The following CHRM3 variants were observed in gnomAD, a reference collection of about 807,000 sequenced individuals.
The protein encoded by CHRM3 is cholinergic receptor muscarinic 3, also known as muscarinic acetylcholine receptor M3.
In CHRM3, 11 loss-of-function variants were observed where a neutral mutation model predicts 41.8. The ratio of observed to expected loss-of-function variants is 0.26; its 90% confidence interval spans 0.17 to 0.44. The LOEUF (loss-of-function observed/expected upper bound fraction) is 0.44. CHRM3 is among the 20% of genes least tolerant of loss of function. The pLI, the probability that CHRM3 is intolerant of heterozygous loss-of-function variation, is 1.00. For missense variants in CHRM3, 571 were observed against 745.4 expected, an observed-to-expected ratio of 0.77 and a Z score of 2.72; for synonymous variants, 297 against 301.4, an observed-to-expected ratio of 0.99 and a Z score of 0.15.
At chr1:239,576,830 G>A (rs79401932) in intron 3 of CHRM3, among the ~76,000 whole-genome samples, 5,949 of 151,212 alleles carry the variant, frequency 0.039, 407 homozygotes, top group African/African-American at 0.14. Flanking sequence ...CACAGCTACC[G>A]CAGACTATAG....
At position 239,400,152 on chromosome 1, in the gene CHRM3, G is replaced by A. The variant is rs113429785; in HGVS notation, c.-521+12925G>A. ...TCAAACTCCTGGCCTTAAGTGATCC[G>A]CCCACCTCGGCCTTCCAAAGTGTGG... On this transcript the variant is annotated intron_variant, in intron 1 of 6. Transcript: ENST00000676153. 6.8e-3 allele frequency among the ~76,000 whole-genome samples: 1,035 copies of A among 152,224 alleles called. 7 individuals are homozygous for A. Among genetic ancestry groups the A allele is most frequent in the African/African-American group, 0.024 (977 of 41,540 alleles).
intron 1 of CHRM3, among the ~76,000 whole-genome samples, chr1:239,458,562 G>T (rs1354140855): frequency 6.6e-6 from 1 of 152,164 alleles, no homozygotes; most frequent in Non-Finnish European, 1.5e-5. Flanking sequence ...ATGTAGGAAT[G>T]AAGATATATA....
rs1668292559 is a variant in CHRM3 at position 239,502,306 on chromosome 1, T to G, written c.-422+9499T>G. On this transcript the variant is annotated intron_variant, in intron 2 of 6. Transcript: ENST00000676153. ...ATCAATCAAGGCTACTATGAACACC[T>G]TTACGCACATAAACCAGAAAACCTA... 2.0e-5 allele frequency among the ~76,000 whole-genome samples: 3 copies of G among 152,046 alleles called. No individual in the cohort carries two copies. In the South Asian group the frequency reaches 6.2e-4, roughly 32 times the overall value.
At chr1:239,823,509 G>C (rs1375146678) in intron 5 of CHRM3, among the ~76,000 whole-genome samples, 2 of 152,044 alleles carry the variant, frequency 1.3e-5, no homozygotes, top group Non-Finnish European at 2.9e-5. Context: ...ATTCAGCATT[G>C]GGACCATAAT....
chr1:239,689,475 A>G (rs141870783), intron 5 of CHRM3, among the ~76,000 whole-genome samples: 2 of 152,300 alleles, frequency 1.3e-5, no homozygotes, highest in African/African-American at 4.8e-5. Flanking sequence ...TAAGAGTTAA[A>G]AGGATTACAA....
At chr1:239,428,868 T>C (rs1311910648) in intron 1 of CHRM3, among the ~76,000 whole-genome samples, 1 of 152,250 alleles carries the variant, frequency 6.6e-6, no homozygotes, top group Non-Finnish European at 1.5e-5. Context: ...GTCAGCTTTT[T>C]AGCATAAGCG....
intron 3 of CHRM3, among the ~76,000 whole-genome samples, chr1:239,595,232 T>A (rs1035456710): frequency 1.3e-5 from 2 of 152,234 alleles, no homozygotes; most frequent in Non-Finnish European, 1.5e-5. Flanking sequence ...ATCTGGAGAT[T>A]ATTTAAAGTA....
At chr1:239,751,995 A>C (rs1297972638) in intron 5 of CHRM3, among the ~76,000 whole-genome samples, 2 of 152,238 alleles carry the variant, frequency 1.3e-5, no homozygotes, top group Non-Finnish European at 2.9e-5. Flanking sequence ...TTGCCCCAAC[A>C]AAAGCTCCTT....
At chr1:239,763,523 A>G (rs996361979) in intron 5 of CHRM3, among the ~76,000 whole-genome samples, 13 of 152,188 alleles carry the variant, frequency 8.5e-5, no homozygotes, top group African/African-American at 3.1e-4. Context: ...AGCGCTCTAC[A>G]ATACTATGTA....
intron 5 of CHRM3, chr1:239,714,147 T>C (rs1662101730): frequency 6.6e-6 from 1 of 152,160 alleles, no homozygotes; most frequent in African/African-American, 2.4e-5. Context: ...ATTTCCAGGA[T>C]CTTCATTCAT....
intron 5 of CHRM3, among the ~76,000 whole-genome samples, chr1:239,816,524 C>T (rs1331628301): frequency 1.3e-5 from 2 of 152,028 alleles, no homozygotes; most frequent in African/African-American, 2.4e-5. Context: ...AATCCCAGAC[C>T]TCCAGATAAC....
chr1:239,901,735 T>C (rs1679589436), intron 6 of CHRM3, among the ~76,000 whole-genome samples: 3 of 152,206 alleles, frequency 2.0e-5, no homozygotes, highest in African/African-American at 7.2e-5. Flanking sequence ...AATGACCTCA[T>C]TTTTGAATTC....
Position 239,909,220 on chromosome 1 carries a change from T to G in CHRM3, c.1769T>G (p.Leu590Trp). The change falls in exon 7 of 7, where the codon TTG becomes TGG. Residue 590 changes from leucine to tryptophan, a missense_variant. By Grantham distance (61) the Leu-to-Trp change is moderately conservative (BLOSUM62 -2). Transcript: ENST00000676153. ...IFHKRAPEQA[L>W] Reference sequence around the variant, plus strand: ...CACAAGCGCGCACCCGAGCAGGCCTTGTAGAATGAGGTTGTATCAATAGCA... The same window carrying G: ...CACAAGCGCGCACCCGAGCAGGCCTGGTAGAATGAGGTTGTATCAATAGCA... The G allele has an allele frequency of 6.2e-7, 1 of 1,600,950 alleles. No individual in the cohort carries two copies. The highest frequency in any genetic ancestry group is 8.5e-7 in the Non-Finnish European group (1 of 1,174,380).
chr1:239,881,268 G>A (rs2102874367), intron 6 of CHRM3, among the ~76,000 whole-genome samples: 1 of 89,200 alleles, frequency 1.1e-5, no homozygotes, highest in East Asian at 3.9e-4. Context: ...GGGCGACAGA[G>A]TGAGACTCCG....
intron 5 of CHRM3, among the ~76,000 whole-genome samples, chr1:239,735,324 G>A (rs1378277579): frequency 6.6e-6 from 1 of 152,120 alleles, no homozygotes; most frequent in Non-Finnish European, 1.5e-5. Context: ...TCCATTTCCT[G>A]TACTGCCAGA....
chr1:239,455,869 A>G (rs1664893517), intron 1 of CHRM3, among the ~76,000 whole-genome samples: 1 of 152,230 alleles, frequency 6.6e-6, no homozygotes, highest in Non-Finnish European at 1.5e-5. Flanking sequence ...CCAGGCCTTC[A>G]CATCCACTCA....
chr1:239,831,485 G>C (rs149376969), intron 6 of CHRM3, among the ~76,000 whole-genome samples: 60 of 152,200 alleles, frequency 3.9e-4, no homozygotes, highest in East Asian at 2.9e-3. Flanking sequence ...ATACATTTCT[G>C]TTTCAGACCC....
intron 1 of CHRM3, among the ~76,000 whole-genome samples, chr1:239,428,212 A>G (rs890515348): frequency 6.6e-6 from 1 of 152,232 alleles, no homozygotes; most frequent in African/African-American, 2.4e-5. Context: ...TGGTTAAAGA[A>G]GTAGCCTGCT....
chr1:239,713,359 GT>G (rs1427577884), intron 5 of CHRM3, among the ~76,000 whole-genome samples: 2 of 152,246 alleles, frequency 1.3e-5, no homozygotes, highest in East Asian at 3.9e-4. Context: ...TCTAGGGATG[GT>G]TGATATCTTG....
Sources: gnomAD v4.1 joint callset for allele counts (sites outside exome capture counted in the v4.1 genomes callset) on GRCh38, gnomAD v4.1.1 for gene constraint, MANE v1.5 for transcripts, NCBI Gene and HGNC (gene_info 2026-07-23, HGNC 2026-07-21) for gene names.